Variants in SLC15A3 observed in about 807,000 individuals in gnomAD.
SLC15A3 encodes the protein solute carrier family 15 member 3.
Under a neutral mutation model 49.2 loss-of-function variants are expected in SLC15A3, and 39 were observed. The ratio of observed to expected loss-of-function variants is 0.79; its 90% CI spans 0.61 to 1.04. The LOEUF is 1.04. Among genes scored for constraint, SLC15A3 ranks in the 50% least tolerant of loss-of-function variants. The pLI is 0.00. For synonymous variants in SLC15A3, 339 were observed against 367.0 expected (o/e 0.92, Z 0.87); for missense variants, 758 against 794.8 (o/e 0.95, Z 0.56).
intron 6 of SLC15A3, among the ~76,000 whole-genome samples, chr11:60,938,780 A>T (rs951687658): frequency 6.6e-6 from 1 of 151,946 alleles, no homozygotes; most frequent in South Asian, 2.1e-4. Context: ...CCTCCTCTCC[A>T]TGCTTAAGGG....
intron 3 of SLC15A3, 194 bp downstream of exon 3, chr11:60,943,495 G>A (rs1161406362): frequency 2.8e-5 from 13 of 461,922 alleles, no homozygotes; most frequent in East Asian, 7.3e-5. Context: ...TCCTCTTGCC[G>A]TACCACCGAG....
At chr11:60,937,412 A>T in intron 7 of SLC15A3, 39 bp from the exon 8 acceptor site, 1 of 1,612,506 alleles carries the variant, frequency 6.2e-7, no homozygotes, top group Non-Finnish European at 8.5e-7. Flanking sequence ...CAGGACAGGG[A>T]TCCTCTGTCT....
At chr11:60,940,007 CTGA>C (rs1390663055) in intron 5 of SLC15A3, 33 of 217,766 alleles carry the variant, frequency 1.5e-4, no homozygotes, top group Non-Finnish European at 3.0e-4. Context: ...AGTCACACAG[CTGA>C]TAAGTAGTCA....
rs1302225174 is a variant in SLC15A3, at chr11:60,942,108, T to A, written c.1034A>T (p.His345Leu). The part of the protein sequence containing the change: ...STYVLQGLHL[H>L]IPNIFPANPA... ...GTTGGCTGGGAAAATGTTTGGGATG[T>A]GGAGGTGAAGACCCTGCAGGACATA... The change falls in exon 4 of 8, where the codon CAC becomes CTC. Residue 345 changes from histidine (H) to leucine (L), a missense_variant. Physicochemically the swap from His to Leu is moderately conservative, Grantham distance 99. This residue lies in a region of SLC15A3 where 699 missense variants were observed against 706.7 expected (regional missense o/e 0.99). Coordinates refer to ENST00000227880, the MANE Select transcript of SLC15A3 (RefSeq NM_016582.3). 6.2e-7 allele frequency: 1 copy of A among 1,613,714 alleles called. No homozygotes were observed. Among genetic ancestry groups the A allele is most frequent in the Non-Finnish European group, 8.5e-7 (1 of 1,179,886 alleles).
chr11:60,951,727 C>A lies in SLC15A3; in HGVS notation c.-176G>T. On this transcript the variant is annotated 5_prime_UTR_variant, in exon 1 of 8. The change creates a new upstream start codon in the 5' untranslated region. Coordinates refer to ENST00000227880, the MANE Select transcript of SLC15A3 (RefSeq NM_016582.3). Reference sequence around the variant, plus strand: ...TCCCCTCTCCCTTTCTTGCCCTACCCTTCCTGTCCCTCCGCTCACTACCCG... The same window carrying A: ...TCCCCTCTCCCTTTCTTGCCCTACCATTCCTGTCCCTCCGCTCACTACCCG... 1 of 313,860 alleles carries A rather than the reference C, an allele frequency of 3.2e-6. No individual in the cohort carries two copies. Among genetic ancestry groups the A allele is most frequent in the Admixed American group, 6.0e-5 (1 of 16,776 alleles). The allele number at this position is 313,860 out of a possible 1,614,324, so 19.4% of individuals were successfully genotyped here.
rs1351499290 is a variant in SLC15A3 at position 60,951,650 on chromosome 11, C to G, written c.-99G>C. 29 of 940,798 alleles carry G rather than the reference C, an allele frequency of 3.1e-5. No individual in the cohort carries two copies. Among genetic ancestry groups the G allele is most frequent in the Non-Finnish European group, 3.7e-5 (29 of 779,270 alleles). 58.3% of individuals were successfully genotyped at this position (940,798 alleles called of 1,614,324 possible). ...CCCCGGGCCTCGGCCCTCTCCCCCA[C>G]CCAACTGGCTGGCCCTCCTTTCTCA... On this transcript the variant is annotated 5_prime_UTR_variant, in exon 1 of 8. Transcript: ENST00000227880.
In SLC15A3 at chr11:60,942,125, C is replaced by A. The variant is rs192263736; in HGVS notation, c.1017G>T (p.Leu339=). ...TTGGGATGTGGAGGTGAAGACCCTG[C>A]AGGACATAGGTGGACTGCATCTGCC... ...VYFQMQSTYV[L]QGLHLHIPNI... is the part of the protein sequence containing the mutation. Residue 339 remains leucine, a synonymous_variant, in exon 4 of 8, where the codon CTG becomes CTT. Transcript: ENST00000227880. 338 of 1,613,936 alleles carry A rather than the reference C, an allele frequency of 2.1e-4. 3 individuals carry two copies. The East Asian group carries it at 6.9e-3, about 33-fold the overall frequency.
chr11:60,939,754 C>G, intron 5 of SLC15A3, 116 bp from the exon 6 acceptor site: 1 of 1,251,872 alleles, frequency 8.0e-7, no homozygotes, highest in Non-Finnish European at 1.1e-6. Flanking sequence ...GATTGAGCAG[C>G]AGGCAAGGAA....
intron 1 of SLC15A3, chr11:60,947,911 C>T (rs1314718407): frequency 6.6e-6 from 1 of 152,064 alleles, no homozygotes; most frequent in Non-Finnish European, 1.5e-5. Flanking sequence ...GGGGCAGGAC[C>T]TGGGCATCTG....
At position 60,946,543 on chromosome 11, in the gene SLC15A3, T is replaced by A. The variant is rs763215301; in HGVS notation, c.837A>T (p.Arg279=). The A allele has an allele frequency of 1.5e-5, 24 of 1,564,572 alleles. No homozygotes were observed. Among genetic ancestry groups the A allele is most frequent in the Non-Finnish European group, 2.0e-5 (23 of 1,151,674 alleles). Reference sequence around the variant, plus strand: ...GAGCCCCTCCTTACCTGGCCGAGTGTCGTTGCCACAGCTGGGGGCAGCAGT... The same window carrying A: ...GAGCCCCTCCTTACCTGGCCGAGTGACGTTGCCACAGCTGGGGGCAGCAGT... ...LQNCCPQLWQ[R]HSARDRQCAR... Residue 279 remains arginine (R), a synonymous_variant, in exon 2 of 8, where the codon CGA becomes CGT. Coordinates refer to ENST00000227880, the MANE Select transcript of SLC15A3 (RefSeq NM_016582.3).
Position 60,951,509 on chromosome 11 carries a change from C to T in SLC15A3, c.43G>A (p.Glu15Lys). The stretch of plus-strand genomic sequence containing the variant: ...CCGCGAGGCAGCAGCGGCTGGCGCT[C>T]CCCGGGCACGCGGGGCTGCTCCCGG... Reference protein sequence around the residue: ...RAREQPRVPGERQPLLPRGAR... With the variant: ...RAREQPRVPGKRQPLLPRGAR... The change falls in exon 1 of 8, where the codon GAG (glutamate) becomes AAG (lysine). Residue 15 changes from glutamate to lysine, a missense_variant. This residue lies in a region of SLC15A3 where 28 missense variants were observed against 29.7 expected (regional missense o/e 0.94). Transcript: ENST00000227880. 3 of 1,226,026 alleles carry T rather than the reference C, an allele frequency of 2.4e-6. No individual in the cohort carries two copies. Among genetic ancestry groups the T allele is most frequent in the South Asian group, 3.9e-5 (1 of 25,386 alleles). 75.9% of individuals were successfully genotyped at this position (1,226,026 alleles called of 1,614,324 possible). A position where few individuals can be genotyped will look rare whatever the true frequency, so the allele number is the denominator to read the frequency against.
chr11:60,939,954 G>C (rs1590636274), intron 5 of SLC15A3: 2 of 284,242 alleles, frequency 7.0e-6, no homozygotes, highest in East Asian at 1.5e-4. Context: ...GAAATAACTA[G>C]CACTTTCAAG....
In SLC15A3 at chr11:60,941,255, C is replaced by T. The variant is rs1856704491; in HGVS notation, c.1143G>A (p.Val381=). ...PEAWLLLANV[V]VVLILVPLKD... The stretch of plus-strand genomic sequence containing the variant: ...TCAGAGGGACCAGAATCAGCACCAC[C>T]ACAACATTGGCCAGGAGGAGCCAGG... The change falls in exon 5 of 8, where the codon GTG becomes GTA. Residue 381 remains valine (V), a synonymous_variant. Transcript: ENST00000227880. 6.2e-7 allele frequency: 1 copy of T among 1,614,058 alleles called. No individual in the cohort carries two copies. The highest frequency in any genetic ancestry group is 1.3e-5 in the African/African-American group (1 of 75,040).
intron 4 of SLC15A3, 100 bp from the exon 5 acceptor site, chr11:60,941,390 GGT>G: frequency 4.0e-6 from 5 of 1,254,974 alleles, no homozygotes; most frequent in African/African-American, 1.5e-5. Context: ...GTGACCCTGG[GGT>G]CCAGCTCCTT....
chr11:60,937,709 C>T (rs995796223), intron 7 of SLC15A3, 161 bp downstream of exon 7: 2 of 921,094 alleles, frequency 2.2e-6, no homozygotes, highest in Admixed American at 2.8e-5. Flanking sequence ...AGGAGGGAGG[C>T]CACGCTGTGG....
At chr11:60,939,411 C>A in intron 6 of SLC15A3, 69 bp downstream of exon 6, 1 of 1,578,244 alleles carries the variant, frequency 6.3e-7, no homozygotes, top group Non-Finnish European at 8.6e-7. Context: ...CCCTGGGGTA[C>A]CTGACTTTGA....
rs150370599 is a variant in SLC15A3, at chr11:60,951,320, C to T, written c.232G>A (p.Val78Ile). The T allele has an allele frequency of 0.069, 105,150 of 1,531,998 alleles. 4,125 individuals are homozygous for T. Among genetic ancestry groups the T allele is most frequent in the Non-Finnish European group, 0.079 (90,301 of 1,142,282 alleles). 94.9% of individuals were successfully genotyped at this position (1,531,998 alleles called of 1,614,324 possible). ...AGCAGGTAGGAGGCGCCCAGGAATACCAGCGCGGCGCGCGTCGCCTGCTCG... is the reference window on the plus strand; with the variant it reads ...AGCAGGTAGGAGGCGCCCAGGAATATCAGCGCGGCGCGCGTCGCCTGCTCG... ...TGEQATRAAL[V>I]FLGASYLLAP... Residue 78 changes from valine to isoleucine, a missense_variant, in exon 1 of 8, where the codon GTA (valine) becomes ATA (isoleucine). Around this residue, in one of 3 missense-constraint regions of SLC15A3, gnomAD observed 699 missense variants for 706.7 expected, o/e 0.99. Coordinates refer to ENST00000227880, the MANE Select transcript of SLC15A3 (RefSeq NM_016582.3).
Position 60,946,523 on chromosome 11 carries a change from C to G in SLC15A3, c.848+9G>C. 6.5e-7 allele frequency: 1 copy of G among 1,544,398 alleles called. No homozygotes were observed. Among genetic ancestry groups the G allele is most frequent in the East Asian group, 2.3e-5 (1 of 44,210 alleles). On this transcript the variant is annotated intron_variant, in intron 2 of 7. Transcript: ENST00000227880. The stretch of plus-strand genomic sequence containing the variant: ...TTGGAGGCTCCCTGCACCCAGAGCC[C>G]CTCCTTACCTGGCCGAGTGTCGTTG...
chr11:60,939,861 C>T (rs1409837509), intron 5 of SLC15A3: 2 of 555,996 alleles, frequency 3.6e-6, no homozygotes, highest in Non-Finnish European at 6.4e-6. Context: ...GAGTTTTGCA[C>T]TCAATAACAC....
Sources: allele counts gnomAD v4.1 joint callset (sites outside exome capture counted in the v4.1 genomes callset), GRCh38; gene constraint gnomAD v4.1.1; regional missense constraint gnomAD v4.1.1; transcripts MANE v1.5; gene names NCBI Gene and HGNC (gene_info 2026-07-23, HGNC 2026-07-21).